Variants in STPG2 observed in about 807,000 individuals in gnomAD.
The protein encoded by STPG2 is sperm-tail PG-rich repeat-containing protein 2.
A neutral mutation model predicts 54.2 loss-of-function variants in STPG2; 56 were observed. The observed-to-expected ratio is 1.03, with a 90% confidence interval of 0.83 to 1.29. STPG2 has a LOEUF of 1.29. Among genes scored for constraint, STPG2 ranks in the 50% most tolerant of loss-of-function variants. STPG2 has a pLI of 0.00. For synonymous variants in STPG2, 200 were observed against 181.8 expected, an observed-to-expected ratio of 1.10 and a Z score of -0.81; for missense variants, 596 against 544.9, an observed-to-expected ratio of 1.09 and a Z score of -0.93.
At chr4:97,972,170 A>T in intron 7 of STPG2, 110 bp downstream of exon 7, 1 of 692,506 alleles carries the variant, frequency 1.4e-6, no homozygotes, top group South Asian at 3.9e-5. Context: ...GAACATGGTT[A>T]TAATAACTAT....
rs1231375524 is a variant in STPG2, at chr4:97,771,569, G to GCTA, written c.1205-58758_1205-58756dup. Among the ~76,000 whole-genome samples the GCTA allele has an allele frequency of 2.0e-5, 3 of 152,186 alleles. No individual in the cohort carries two copies. In the East Asian group the frequency reaches 5.8e-4, roughly 29 times the overall value. On this transcript the variant is annotated intron_variant, in intron 9 of 10. Transcript: ENST00000295268. ...CACAGGTGGGACATAGGTGAGCATA[G>GCTA]CTAGGCACGTGAGCATGTAGAAGGA...
chr4:97,907,660 CA>C (rs1165185689), intron 8 of STPG2, among the ~76,000 whole-genome samples: 7 of 152,074 alleles, frequency 4.6e-5, no homozygotes, highest in African/African-American at 1.7e-4. Flanking sequence ...GTACTGGTAC[CA>C]AAACAGAGAT....
intron 10 of STPG2, among the ~76,000 whole-genome samples, chr4:97,710,782 T>C (rs1724088891): frequency 6.6e-6 from 1 of 151,998 alleles, no homozygotes; most frequent in South Asian, 2.1e-4. Context: ...ATGAAAAAAG[T>C]ATTTATTGAA....
intron 4 of STPG2, among the ~76,000 whole-genome samples, chr4:97,464,456 A>T (rs1729741996): frequency 6.6e-6 from 1 of 152,018 alleles, no homozygotes; most frequent in African/African-American, 2.4e-5. Flanking sequence ...CAGCTCTGTC[A>T]CCCAGGTTGG....
chr4:97,594,118 TCGTTC>T (rs1733219589), intron 10 of STPG2, among the ~76,000 whole-genome samples: 1 of 152,180 alleles, frequency 6.6e-6, no homozygotes, highest in African/African-American at 2.4e-5. Flanking sequence ...AAAACTGTAC[TCGTTC>T]CCCAGCAATG....
At chr4:97,591,421 TTA>T (rs1733143802) in intron 10 of STPG2, among the ~76,000 whole-genome samples, 1 of 152,150 alleles carries the variant, frequency 6.6e-6, no homozygotes, top group East Asian at 1.9e-4. Flanking sequence ...AAAGGCTAAG[TTA>T]TATATTATTT....
intron 10 of STPG2, among the ~76,000 whole-genome samples, chr4:97,646,543 A>G (rs537284795): frequency 6.6e-6 from 1 of 152,104 alleles, no homozygotes; most frequent in Admixed American, 6.6e-5. Flanking sequence ...CCTTTGGGAA[A>G]TTCCCATATG....
intron 8 of STPG2, among the ~76,000 whole-genome samples, chr4:97,876,520 G>C (rs964532558): frequency 6.6e-6 from 1 of 151,950 alleles, no homozygotes; most frequent in African/African-American, 2.4e-5. Flanking sequence ...TAATTATAAA[G>C]TCCTCAGAGA....
chr4:97,569,965 C>T (rs1448404873), intron 10 of STPG2, among the ~76,000 whole-genome samples: 2 of 151,942 alleles, frequency 1.3e-5, no homozygotes, highest in Non-Finnish European at 2.9e-5. Flanking sequence ...CTGAAAAGTA[C>T]ATACATTACT....
At chr4:97,957,182 T>C (rs1235024823) in intron 7 of STPG2, among the ~76,000 whole-genome samples, 2 of 146,000 alleles carry the variant, frequency 1.4e-5, no homozygotes, top group African/African-American at 4.9e-5. Flanking sequence ...GTGAAATATA[T>C]ATATGAAATG....
At chr4:97,492,371 A>G (rs1730520724) in intron 4 of STPG2, among the ~76,000 whole-genome samples, 2 of 151,528 alleles carry the variant, frequency 1.3e-5, no homozygotes, top group South Asian at 4.1e-4. Context: ...TTGAAATATA[A>G]ACATCAAGGA....
At chr4:97,832,970 A>G (rs1003386174) in intron 9 of STPG2, among the ~76,000 whole-genome samples, 2 of 152,166 alleles carry the variant, frequency 1.3e-5, no homozygotes, top group Non-Finnish European at 1.5e-5. Flanking sequence ...TATCCCCATT[A>G]AGCTACCATT....
At chr4:97,908,155 C>T (rs1312064054) in intron 8 of STPG2, among the ~76,000 whole-genome samples, 1 of 151,832 alleles carries the variant, frequency 6.6e-6, no homozygotes, top group African/African-American at 2.4e-5. Flanking sequence ...CTACAATGAA[C>T]TCAAACAAAT....
At chr4:97,893,106 G>A (rs1730833051) in intron 8 of STPG2, 1 of 152,074 alleles carries the variant, frequency 6.6e-6, no homozygotes, top group African/African-American at 2.4e-5. Context: ...CTTCCAGTTA[G>A]GGAGGGAAAC....
At chr4:98,061,978 C>G (rs1578823401) in intron 5 of STPG2, among the ~76,000 whole-genome samples, 1 of 152,090 alleles carries the variant, frequency 6.6e-6, no homozygotes, top group African/African-American at 2.4e-5. Context: ...ATGATTCTAC[C>G]ATAAAGACAC....
At chr4:97,593,872 G>C (rs1010402464) in intron 10 of STPG2, among the ~76,000 whole-genome samples, 1 of 152,092 alleles carries the variant, frequency 6.6e-6, no homozygotes, top group Non-Finnish European at 1.5e-5. Flanking sequence ...CCAAGATTTG[G>C]AGCATGTAGC....
intron 4 of STPG2, among the ~76,000 whole-genome samples, chr4:97,509,374 T>C (rs1440782881): frequency 1.3e-5 from 2 of 152,088 alleles, no homozygotes; most frequent in African/African-American, 4.8e-5. Context: ...TTTATAAAAA[T>C]GACAACTGAC....
At chr4:98,125,599 T>C (rs1296049693) in intron 3 of STPG2, among the ~76,000 whole-genome samples, 1 of 152,090 alleles carries the variant, frequency 6.6e-6, no homozygotes, top group Non-Finnish European at 1.5e-5. Context: ...CACTCCTGTA[T>C]GAGGTGTCTG....
chr4:97,548,676 C>A (rs1466016928), intron 4 of STPG2, among the ~76,000 whole-genome samples: 1 of 151,954 alleles, frequency 6.6e-6, no homozygotes, highest in Non-Finnish European at 1.5e-5. Flanking sequence ...TGAATTCTTG[C>A]TATAATAGTA....
Sources: allele counts gnomAD v4.1 joint callset (sites outside exome capture counted in the v4.1 genomes callset), GRCh38; gene constraint gnomAD v4.1.1; transcripts MANE v1.5; gene names NCBI Gene and HGNC (gene_info 2026-07-23, HGNC 2026-07-21).